The following PCBP3 variants were observed in gnomAD, a reference collection of about 807,000 sequenced individuals.
The protein encoded by PCBP3 is poly(rC)-binding protein 3.
In PCBP3, 25 loss-of-function variants were observed where a neutral mutation model predicts 52.7. The ratio of observed to expected loss-of-function variants is 0.47; its 90% confidence interval spans 0.35 to 0.66. The LOEUF is 0.66. PCBP3 is among the 30% of genes least tolerant of loss of function. The probability of loss-of-function intolerance (pLI) is 0.01; values close to 1 mark genes in which losing one functional copy is unlikely to be tolerated. For synonymous variants in PCBP3, 162 were observed against 183.0 expected, an observed-to-expected ratio of 0.89 and a Z score of 0.93; for missense variants, 391 against 490.3, an observed-to-expected ratio of 0.80 and a Z score of 1.91.
intron 16 of PCBP3, among the ~76,000 whole-genome samples, chr21:45,936,270 G>T (rs1297443753): frequency 6.6e-6 from 1 of 152,216 alleles, no homozygotes; most frequent in Non-Finnish European, 1.5e-5. Flanking sequence ...CCAGAGGAAT[G>T]GACCATGAGG....
chr21:45,812,075 A>G (rs2147062515), intron 4 of PCBP3, among the ~76,000 whole-genome samples: 1 of 152,326 alleles, frequency 6.6e-6, no homozygotes, highest in Non-Finnish European at 1.5e-5. Flanking sequence ...AACTTATATT[A>G]CACCTTTTCA....
intron 2 of PCBP3, among the ~76,000 whole-genome samples, chr21:45,692,549 G>T (rs1490234470): frequency 6.6e-6 from 1 of 152,156 alleles, no homozygotes; most frequent in Non-Finnish European, 1.5e-5. Flanking sequence ...CGAATTCCTT[G>T]AAAGACTAAA....
chr21:45,831,641 C>T (rs890403222), intron 4 of PCBP3, among the ~76,000 whole-genome samples: 6 of 152,126 alleles, frequency 3.9e-5, no homozygotes, highest in Non-Finnish European at 4.4e-5. Context: ...ATCCAGACTC[C>T]GAGAGAGGGG....
chr21:45,802,075 C>G lies in PCBP3; in HGVS notation c.-126+46623C>G, dbSNP rs1321408482. 1.3e-5 allele frequency among the ~76,000 whole-genome samples: 2 copies of G among 152,220 alleles called. No individual in the cohort carries two copies. The highest frequency in any genetic ancestry group is 1.3e-4 in the Admixed American group (2 of 15,288). ...CATCGTCATGATTCAGCAGTGACTT[C>G]TGGGCTGGGTGGTTAGCGGGGCTCC... On this transcript the variant is annotated intron_variant, in intron 4 of 17. Coordinates refer to ENST00000681687, the MANE Select transcript of PCBP3 (RefSeq NM_001384156.1). This position sits in a 1 kb window ranked among gnomAD's most constrained non-coding sequence, Gnocchi z 5.1.
intron 2 of PCBP3, among the ~76,000 whole-genome samples, chr21:45,694,811 C>T (rs1231545031): frequency 6.6e-6 from 1 of 152,202 alleles, no homozygotes; most frequent in East Asian, 1.9e-4. Flanking sequence ...TTAAAGAATG[C>T]TTAAGTGGAG....
intron 4 of PCBP3, among the ~76,000 whole-genome samples, chr21:45,757,241 C>T (rs868806592): frequency 3.3e-5 from 5 of 152,184 alleles, no homozygotes; most frequent in Non-Finnish European, 4.4e-5. Flanking sequence ...GAAGTAGTAT[C>T]GTGCTGTGGT....
chr21:45,833,650 G>T (rs1227432293), intron 4 of PCBP3, among the ~76,000 whole-genome samples: 1 of 152,238 alleles, frequency 6.6e-6, no homozygotes, highest in African/African-American at 2.4e-5. Flanking sequence ...CGACTGGATG[G>T]TGCCCAGGCC....
intron 5 of PCBP3, among the ~76,000 whole-genome samples, chr21:45,852,530 A>C (rs887185347): frequency 3.5e-5 from 5 of 142,032 alleles, no homozygotes; most frequent in African/African-American, 8.4e-5. Context: ...GTTCAGAAGG[A>C]ACACAGCCCT....
At chr21:45,918,083 A>AT in intron 13 of PCBP3, 1 of 224,648 alleles carries the variant, frequency 4.5e-6, no homozygotes, top group Non-Finnish European at 8.9e-6. Flanking sequence ...TTCAGAGTCC[A>AT]CATGAAAACA....
chr21:45,837,099 C>G lies in PCBP3; in HGVS notation c.-125-12862C>G, dbSNP rs2093606543. 6.6e-6 allele frequency among the ~76,000 whole-genome samples: 1 copy of G among 152,214 alleles called. No individual in the cohort carries two copies. Among genetic ancestry groups the G allele is most frequent in the African/African-American group, 2.4e-5 (1 of 41,444 alleles). On this transcript the variant is annotated intron_variant, in intron 4 of 17. Transcript: ENST00000681687. The surrounding 1 kb of genome is among the most constrained non-coding windows in gnomAD (Gnocchi z 4.1). ...TGAAAGGTGAACTTTCAGGAACTTT[C>G]AGGACCATGTCAGTTTTTGTTTCAA...
chr21:45,753,991 G>T (rs1400746572), intron 3 of PCBP3, among the ~76,000 whole-genome samples: 1 of 151,948 alleles, frequency 6.6e-6, no homozygotes, highest in Non-Finnish European at 1.5e-5. Flanking sequence ...AATGCATCGT[G>T]GTGAGAATGT....
At chr21:45,872,049 G>A (rs780688872) in intron 5 of PCBP3, 2 of 152,270 alleles carry the variant, frequency 1.3e-5, no homozygotes, top group African/African-American at 2.4e-5. Context: ...TCGTGCTGGC[G>A]GCAGCTGTGT....
chr21:45,677,756 GA>G (rs2081560788), intron 2 of PCBP3, among the ~76,000 whole-genome samples: 8 of 152,180 alleles, frequency 5.3e-5, no homozygotes, highest in Admixed American at 2.6e-4. Flanking sequence ...CCTTAAGAAT[GA>G]TGCTAAATCT....
At chr21:45,841,988 G>T in intron 4 of PCBP3, among the ~76,000 whole-genome samples, 1 of 152,184 alleles carries the variant, frequency 6.6e-6, no homozygotes, top group Non-Finnish European at 1.5e-5. Flanking sequence ...ACCAGTATGT[G>T]CTGGGGCTCA....
At chr21:45,836,101 A>G (rs1388583813) in intron 4 of PCBP3, among the ~76,000 whole-genome samples, 3 of 152,308 alleles carry the variant, frequency 2.0e-5, no homozygotes, top group Non-Finnish European at 4.4e-5. Flanking sequence ...TCAGCCTTAC[A>G]GAGGGGCTGC....
chr21:45,867,309 A>G (rs537201173), intron 5 of PCBP3, among the ~76,000 whole-genome samples: 1 of 152,320 alleles, frequency 6.6e-6, no homozygotes, highest in South Asian at 2.1e-4. Context: ...GCCCCCACGA[A>G]TCCGCGTGAA....
chr21:45,798,985 G>C (rs1158850431), intron 4 of PCBP3, among the ~76,000 whole-genome samples: 5 of 151,520 alleles, frequency 3.3e-5, no homozygotes, highest in Non-Finnish European at 5.9e-5. Context: ...TGCGTACATG[G>C]ATGAATGCAT....
Position 45,849,197 on chromosome 21 carries a change from C to CTT in PCBP3, c.-125-752_-125-751dup, listed in dbSNP as rs1242650163. 7.2e-4 allele frequency among the ~76,000 whole-genome samples: 99 copies of CTT among 138,058 alleles called. 3 individuals are homozygous for CTT. Among genetic ancestry groups the CTT allele is most frequent in the Middle Eastern group, 3.9e-3 (1 of 258 alleles). The allele number at this position is 138,058 out of a possible 152,430, so 90.6% of individuals were successfully genotyped here. On this transcript the variant is annotated intron_variant, in intron 4 of 17. Transcript: ENST00000681687. Reference sequence around the variant, plus strand: ...TTTTCTCCCAAGGTTCCAAATATGCCTTTTTTTTTTTTTCTTTTTTGAGAC... The same window carrying CTT: ...TTTTCTCCCAAGGTTCCAAATATGCCTTTTTTTTTTTTTTTCTTTTTTGAGAC...
chr21:45,743,953 C>T (rs2086638140), intron 3 of PCBP3, among the ~76,000 whole-genome samples: 1 of 152,066 alleles, frequency 6.6e-6, no homozygotes, highest in Non-Finnish European at 1.5e-5. Context: ...ATCAAAGCTG[C>T]TAAGCCTGGA....
Sources: gnomAD v4.1 joint callset for allele counts (sites outside exome capture counted in the v4.1 genomes callset) on GRCh38, gnomAD v4.1.1 for gene constraint, Gnocchi (gnomAD v3.1) non-coding constraint, MANE v1.5 for transcripts, NCBI Gene and HGNC (gene_info 2026-07-23, HGNC 2026-07-21) for gene names.